DEK: variants seen among roughly 807,000 people sequenced by gnomAD.
The protein encoded by DEK is DEK proto-oncogene, also known as protein DEK.
DEK carries 28 observed loss-of-function variants against 46.8 expected under a neutral mutation model. That is an observed-to-expected ratio of 0.60 (90% CI 0.44 to 0.82). DEK has a LOEUF of 0.82. Among genes scored for constraint, DEK ranks in the 40% least tolerant of loss-of-function variants. The pLI is 0.00. For synonymous variants in DEK, 160 were observed against 144.5 expected (o/e 1.11, Z -0.77); for missense variants, 416 against 430.6 (o/e 0.97, Z 0.30).
intron 7 of DEK, among the ~76,000 whole-genome samples, chr6:18,243,626 T>C (rs1790992113): frequency 6.6e-6 from 1 of 152,218 alleles, no homozygotes; most frequent in African/African-American, 2.4e-5. Flanking sequence ...TTGGTAGTAC[T>C]TCCACTTCTA....
intron 7 of DEK, among the ~76,000 whole-genome samples, chr6:18,249,250 C>T (rs1172941143): frequency 6.6e-6 from 1 of 152,174 alleles, no homozygotes; most frequent in Non-Finnish European, 1.5e-5. Flanking sequence ...GCCCTTAAGT[C>T]CCTTGCTTTT....
At chr6:18,244,896 T>C (rs1791041527) in intron 7 of DEK, among the ~76,000 whole-genome samples, 1 of 152,238 alleles carries the variant, frequency 6.6e-6, no homozygotes, top group Admixed American at 6.5e-5. Context: ...AACAAAACTT[T>C]CACATTCACC....
intron 1 of DEK, 145 bp downstream of exon 1, chr6:18,264,240 G>C (rs542455658): frequency 3.5e-6 from 1 of 286,624 alleles, no homozygotes; most frequent in South Asian, 1.4e-4. Flanking sequence ...CGCCCGCCCG[G>C]CCTGCGCTGT....
At chr6:18,233,469 A>T (rs564856577) in intron 9 of DEK, among the ~76,000 whole-genome samples, 1 of 152,390 alleles carries the variant, frequency 6.6e-6, no homozygotes, top group African/African-American at 2.4e-5. Flanking sequence ...AAGGGCTAAT[A>T]TTCAGAATCT....
chr6:18,227,502 C>G (rs1332328557), intron 9 of DEK, among the ~76,000 whole-genome samples: 2 of 152,210 alleles, frequency 1.3e-5, no homozygotes, highest in East Asian at 1.9e-4. Flanking sequence ...ACATCCCCCT[C>G]TCCGAGAAAC....
chr6:18,228,968 T>A (rs1395111796), intron 9 of DEK, among the ~76,000 whole-genome samples: 1 of 152,122 alleles, frequency 6.6e-6, no homozygotes, highest in Non-Finnish European at 1.5e-5. Context: ...TGAGTCCCTG[T>A]CCCCTGAGTG....
intron 7 of DEK, among the ~76,000 whole-genome samples, chr6:18,248,062 A>C (rs1431302556): frequency 2.6e-5 from 4 of 152,174 alleles, no homozygotes; most frequent in African/African-American, 9.7e-5. Flanking sequence ...AATTCTAATA[A>C]TAATAGCAAC....
At chr6:18,257,874 G>A in intron 4 of DEK, 79 bp downstream of exon 4, 1 of 1,014,870 alleles carries the variant, frequency 9.9e-7, no homozygotes, top group Non-Finnish European at 1.5e-6. Flanking sequence ...AATTGAACTA[G>A]TGGATCACTA....
At chr6:18,248,741 G>A (rs1188175353) in intron 7 of DEK, among the ~76,000 whole-genome samples, 1 of 152,090 alleles carries the variant, frequency 6.6e-6, no homozygotes, top group African/African-American at 2.4e-5. Flanking sequence ...CTAATTCAGT[G>A]GAGATGATTC....
chr6:18,263,519 T>TA (rs113151946), intron 2 of DEK, among the ~76,000 whole-genome samples: 3,572 of 145,874 alleles, frequency 0.024, 80 homozygotes, highest in African/African-American at 0.063. Context: ...CACACACAGG[T>TA]AAAAAAAAAA....
intron 9 of DEK, among the ~76,000 whole-genome samples, chr6:18,228,763 G>A (rs1483086539): frequency 1.3e-5 from 2 of 152,228 alleles, no homozygotes; most frequent in Admixed American, 1.3e-4. Flanking sequence ...CGCCCACGGA[G>A]CCTCGCTCAT....
intron 4 of DEK, among the ~76,000 whole-genome samples, chr6:18,257,096 C>T (rs1791627537): frequency 6.6e-6 from 1 of 152,128 alleles, no homozygotes; most frequent in Admixed American, 6.5e-5. Context: ...GTCATATGTA[C>T]AGTATAATAA....
At chr6:18,257,321 A>C (rs1176911887) in intron 4 of DEK, among the ~76,000 whole-genome samples, 2 of 152,206 alleles carry the variant, frequency 1.3e-5, no homozygotes, top group African/African-American at 4.8e-5. Context: ...AAAAACATGA[A>C]TTTCTTTCAA....
intron 7 of DEK, among the ~76,000 whole-genome samples, chr6:18,237,726 A>G (rs141343681): frequency 6.6e-6 from 1 of 152,106 alleles, no homozygotes; most frequent in Admixed American, 6.6e-5. Flanking sequence ...TCACACACAC[A>G]CAAGAGTTGC....
chr6:18,250,524 C>T (rs1017934140), intron 6 of DEK, among the ~76,000 whole-genome samples: 25 of 143,802 alleles, frequency 1.7e-4, no homozygotes, highest in African/African-American at 6.5e-4. Context: ...AAGCTCCTTG[C>T]TTTAGAAGGC....
At position 18,225,071 on chromosome 6, in the gene DEK, G is replaced by C. The variant is rs1445543830; in HGVS notation, c.*648C>G. ...ACTATAAAGATACCTACCTATGTGAGTTTAAAAAGTGATCTGCACAAAAGA... is the reference window on the plus strand; with the variant it reads ...ACTATAAAGATACCTACCTATGTGACTTTAAAAAGTGATCTGCACAAAAGA... On this transcript the variant is annotated 3_prime_UTR_variant, in exon 11 of 11. Transcript: ENST00000652689. The C allele has an allele frequency of 4.7e-6, 1 of 214,546 alleles. No homozygotes were observed. Among genetic ancestry groups the C allele is most frequent in the Non-Finnish European group, 9.4e-6 (1 of 106,172 alleles). The allele number at this position is 214,546 out of a possible 1,614,324, so 13.3% of individuals were successfully genotyped here.
chr6:18,245,102 C>T (rs190677789), intron 7 of DEK, among the ~76,000 whole-genome samples: 7 of 152,320 alleles, frequency 4.6e-5, no homozygotes, highest in African/African-American at 1.7e-4. Flanking sequence ...GGGCAGACAA[C>T]AAAGTGCTGG....
rs572956228 is a variant in DEK, at chr6:18,245,596, T to C, written c.762+4055A>G. Among the ~76,000 whole-genome samples the C allele has an allele frequency of 7.9e-5, 12 of 152,304 alleles. No individual in the cohort carries two copies. In the South Asian group the frequency reaches 2.5e-3, roughly 32 times the overall value. On this transcript the variant is annotated intron_variant, in intron 7 of 10. Coordinates refer to ENST00000652689, the MANE Select transcript of DEK (RefSeq NM_003472.4). ...GTATTAGGATAAGATGAAAAAGAAA[T>C]AAAATATGCTTTTAAAGAGTCTAAA...
At chr6:18,261,000 A>AAAAAAG (rs1297299057) in intron 2 of DEK, among the ~76,000 whole-genome samples, 17 of 151,126 alleles carry the variant, frequency 1.1e-4, no homozygotes, top group African/African-American at 4.1e-4. Context: ...AAAAAAAAAA[A>AAAAAAG]AAAGAAAGAA....
Sources: allele counts gnomAD v4.1 joint callset (sites outside exome capture counted in the v4.1 genomes callset), GRCh38; gene constraint gnomAD v4.1.1; transcripts MANE v1.5; gene names NCBI Gene and HGNC (gene_info 2026-07-23, HGNC 2026-07-21).